IL12RB2: variants seen among roughly 807,000 people sequenced by gnomAD.
IL12RB2 encodes interleukin 12 receptor subunit beta 2, also known as interleukin-12 receptor subunit beta-2.
Under a neutral mutation model 89.4 loss-of-function variants are expected in IL12RB2, and 82 were observed. The ratio of observed to expected loss-of-function variants is 0.92; its 90% confidence interval spans 0.77 to 1.10. The LOEUF is 1.10. Among genes scored for constraint, IL12RB2 ranks in the 50% least tolerant of loss-of-function variants. The pLI is 0.00. For missense variants in IL12RB2, 963 were observed against 1,031.9 expected (o/e 0.93, Z 0.92); for synonymous variants, 368 against 370.1 (o/e 0.99, Z 0.07).
At chr1:67,360,434 C>T (rs1661904439) in intron 10 of IL12RB2, among the ~76,000 whole-genome samples, 1 of 150,120 alleles carries the variant, frequency 6.7e-6, no homozygotes. Context: ...ACCAGGTTAT[C>T]ACAGTGAATA....
At chr1:67,348,573 G>A (rs1200274585) in intron 9 of IL12RB2, among the ~76,000 whole-genome samples, 1 of 151,744 alleles carries the variant, frequency 6.6e-6, no homozygotes, top group Non-Finnish European at 1.5e-5. Flanking sequence ...CAGTTTGGTG[G>A]TTCCTTGATG....
At chr1:67,333,230 G>A (rs1483146440) in intron 8 of IL12RB2, among the ~76,000 whole-genome samples, 1 of 151,890 alleles carries the variant, frequency 6.6e-6, no homozygotes, top group East Asian at 1.9e-4. Flanking sequence ...AGGCTGCTTG[G>A]TTTTCACCCC....
In IL12RB2 at chr1:67,334,625, C is replaced by CTG. The variant is rs1658527099; in HGVS notation, c.958+3815_958+3816insTG. Among the ~76,000 whole-genome samples, 8 of 151,514 alleles carry CTG rather than the reference C, an allele frequency of 5.3e-5. No homozygotes were observed. In the South Asian group the frequency reaches 1.2e-3, roughly 24 times the overall value. On this transcript the variant is annotated intron_variant, in intron 8 of 16. Coordinates refer to ENST00000674203, the MANE Select transcript of IL12RB2 (RefSeq NM_001374259.2). ...TCCCGAGTAGCTGGGACTACAGGCACCCCGCCACCACGCCCGGCTAATTTT... is the reference window on the plus strand; with the variant it reads ...TCCCGAGTAGCTGGGACTACAGGCACTGCCCGCCACCACGCCCGGCTAATTTT...
chr1:67,320,918 G>T (rs1430707321), intron 3 of IL12RB2, among the ~76,000 whole-genome samples: 1 of 98,692 alleles, frequency 1.0e-5, no homozygotes, highest in Admixed American at 1.4e-4. Flanking sequence ...GCCCTGGTTC[G>T]TGATGCCCAC....
intron 10 of IL12RB2, among the ~76,000 whole-genome samples, chr1:67,366,771 CTTGT>C (rs1208682064): frequency 6.6e-6 from 1 of 152,104 alleles, no homozygotes; most frequent in Non-Finnish European, 1.5e-5. Context: ...TCATTGCATC[CTTGT>C]TTGTGTTTGC....
chr1:67,378,914 T>C (rs1009601953), intron 13 of IL12RB2, among the ~76,000 whole-genome samples: 4 of 138,290 alleles, frequency 2.9e-5, no homozygotes, highest in South Asian at 4.6e-4. Context: ...TAAACTTACA[T>C]AGGCTGGGTG....
intron 10 of IL12RB2, among the ~76,000 whole-genome samples, chr1:67,359,450 A>G (rs1661737148): frequency 6.6e-6 from 1 of 152,186 alleles, no homozygotes; most frequent in Admixed American, 6.5e-5. Flanking sequence ...GGCTGGGCAC[A>G]GTGGCTTACA....
intron 6 of IL12RB2, among the ~76,000 whole-genome samples, chr1:67,329,362 A>G (rs1657753109): frequency 6.6e-6 from 1 of 152,202 alleles, no homozygotes; most frequent in Non-Finnish European, 1.5e-5. Context: ...GGTGAAAATG[A>G]GATTTGATTA....
chr1:67,340,925 C>T (rs1200918573), intron 9 of IL12RB2, among the ~76,000 whole-genome samples: 3 of 152,170 alleles, frequency 2.0e-5, no homozygotes, highest in African/African-American at 7.2e-5. Context: ...ATAAACATGG[C>T]TCCTACTCCT....
intron 16 of IL12RB2, among the ~76,000 whole-genome samples, chr1:67,393,470 G>A (rs538651501): frequency 3.9e-5 from 6 of 152,222 alleles, no homozygotes; most frequent in African/African-American, 7.2e-5. Context: ...TCCGCACAGG[G>A]TGTAATCTTT....
chr1:67,312,276 G>A (rs892921982), intron 1 of IL12RB2, among the ~76,000 whole-genome samples: 1 of 152,162 alleles, frequency 6.6e-6, no homozygotes, highest in African/African-American at 2.4e-5. Flanking sequence ...GTGAATCAGA[G>A]AAGGCTGGAG....
intron 9 of IL12RB2, among the ~76,000 whole-genome samples, chr1:67,348,335 C>T (rs776067627): frequency 1.3e-5 from 2 of 152,128 alleles, no homozygotes; most frequent in Admixed American, 6.6e-5. Flanking sequence ...CTATGAAACA[C>T]GGCTGCCCAC....
chr1:67,342,523 G>A (rs955551849), intron 9 of IL12RB2, among the ~76,000 whole-genome samples: 8 of 151,992 alleles, frequency 5.3e-5, no homozygotes, highest in African/African-American at 1.9e-4. Flanking sequence ...GTGAGTGTAA[G>A]GATGTGAGTG....
intron 13 of IL12RB2, among the ~76,000 whole-genome samples, chr1:67,373,022 A>T (rs1663543572): frequency 1.3e-5 from 2 of 152,246 alleles, no homozygotes; most frequent in South Asian, 4.1e-4. Context: ...GGATACAGAA[A>T]TGAAGTAAAT....
At chr1:67,370,845 A>G (rs957795782) in intron 11 of IL12RB2, among the ~76,000 whole-genome samples, 1 of 152,222 alleles carries the variant, frequency 6.6e-6, no homozygotes, top group African/African-American at 2.4e-5. Flanking sequence ...TGTCAACTGA[A>G]TTACAGAACC....
At chr1:67,360,670 C>A (rs896123558) in intron 10 of IL12RB2, among the ~76,000 whole-genome samples, 1 of 151,886 alleles carries the variant, frequency 6.6e-6, no homozygotes, top group Non-Finnish European at 1.5e-5. Flanking sequence ...GTGGCACGTG[C>A]CTGTAATCCC....
chr1:67,328,813 A>C (rs949116048), intron 6 of IL12RB2, among the ~76,000 whole-genome samples: 3 of 152,160 alleles, frequency 2.0e-5, no homozygotes, highest in Admixed American at 2.0e-4. Flanking sequence ...CGAGGTACAA[A>C]CTATAAATAA....
At chr1:67,312,667 G>A (rs1655230972) in intron 1 of IL12RB2, among the ~76,000 whole-genome samples, 1 of 120,724 alleles carries the variant, frequency 8.3e-6, no homozygotes, top group African/African-American at 3.2e-5. Context: ...AATAAAGGAA[G>A]TTAAGAAAAA....
intron 10 of IL12RB2, 115 bp from the exon 11 acceptor site, chr1:67,367,710 A>G: frequency 1.3e-6 from 1 of 758,326 alleles, no homozygotes; most frequent in Non-Finnish European, 2.4e-6. Context: ...TTTAAAAGTA[A>G]ACAGATTCTT....
Sources: allele counts gnomAD v4.1 joint callset (sites outside exome capture counted in the v4.1 genomes callset), GRCh38; gene constraint gnomAD v4.1.1; transcripts MANE v1.5; gene names NCBI Gene and HGNC (gene_info 2026-07-23, HGNC 2026-07-21).